Variants in BTNL3 observed in about 807,000 individuals in gnomAD.
The protein encoded by BTNL3 is butyrophilin like 3, also known as butyrophilin-like protein 3.
In BTNL3, 20 loss-of-function variants were observed where a neutral mutation model predicts 40.1. The observed-to-expected ratio is 0.50, with a 90% CI of 0.35 to 0.72. BTNL3 has a LOEUF of 0.72. Among genes scored for constraint, BTNL3 ranks in the 30% least tolerant of loss-of-function variants. BTNL3 has a pLI of 0.01. For missense variants in BTNL3, 449 were observed against 582.2 expected (o/e 0.77, Z 2.35); for synonymous variants, 179 against 222.1 (o/e 0.81, Z 1.73).
Position 181,003,925 on chromosome 5 carries a change from C to T in BTNL3, c.808+49C>T, listed in dbSNP as rs373642232. 4 of 1,613,832 alleles carry T rather than the reference C, an allele frequency of 2.5e-6. No individual in the cohort carries two copies. In the African/African-American group the frequency reaches 4.0e-5, roughly 16 times the overall value. ...CCACACATGGTTCTCCCGGGTCCCT[C>T]CCTGATCCACAGTTTGAGCCTCTGG... On this transcript the variant is annotated intron_variant, in intron 5 of 7. Coordinates refer to ENST00000342868, the MANE Select transcript of BTNL3 (RefSeq NM_197975.3).
chr5:180,996,487 T>C lies in BTNL3; in HGVS notation c.398-726T>C, dbSNP rs972797630. Among the ~76,000 whole-genome samples the C allele has an allele frequency of 3.7e-5, 5 of 136,934 alleles. 1 individual carries two copies. Among genetic ancestry groups the C allele is most frequent in the African/African-American group, 1.0e-4 (4 of 39,760 alleles). 89.8% of individuals were successfully genotyped at this position (136,934 alleles called of 152,430 possible). A position where few individuals can be genotyped will look rare whatever the true frequency, so the allele number is the denominator to read the frequency against. ...ACTGGTCTACAGTTCTTAAAGTGGCTGTGGGCAAGTCCACGTTGCTCAGGT... is the reference window on the plus strand; with the variant it reads ...ACTGGTCTACAGTTCTTAAAGTGGCCGTGGGCAAGTCCACGTTGCTCAGGT... On this transcript the variant is annotated intron_variant, in intron 2 of 7. Transcript: ENST00000342868.
chr5:181,000,735 A>G lies in BTNL3; in HGVS notation c.674-1937A>G, dbSNP rs549250677. Among the ~76,000 whole-genome samples the G allele has an allele frequency of 3.0e-5, 4 of 133,332 alleles. 1 individual carries two copies. The highest frequency in any genetic ancestry group is 4.3e-4 in the East Asian group (2 of 4,600). The allele number at this position is 133,332 out of a possible 152,430, so 87.5% of individuals were successfully genotyped here. A position where few individuals can be genotyped will look rare whatever the true frequency, so the allele number is the denominator to read the frequency against. ...GCAGGAGAATGGCGTGAACCCGGGA[A>G]GCGGAGCTTGCAGTGAGCCGAGATT... is the stretch of plus-strand genomic sequence containing the variant. On this transcript the variant is annotated intron_variant, in intron 3 of 7. Coordinates refer to ENST00000342868, the MANE Select transcript of BTNL3 (RefSeq NM_197975.3).
chr5:181,002,376 GTATATA>G (rs55873315), intron 3 of BTNL3, among the ~76,000 whole-genome samples: 4,186 of 81,398 alleles, frequency 0.051, 433 homozygotes, highest in African/African-American at 0.1. Flanking sequence ...ACGTGTGTGT[GTATATA>G]TATATATATA....
chr5:180,999,616 A>G lies in BTNL3; in HGVS notation c.673+2128A>G, dbSNP rs182761538. Reference sequence around the variant, plus strand: ...GGAGTTTGAGACCAGCCTGCCCAACATGGCGAAACCCCATCTCTACTAAAA... The same window carrying G: ...GGAGTTTGAGACCAGCCTGCCCAACGTGGCGAAACCCCATCTCTACTAAAA... On this transcript the variant is annotated intron_variant, in intron 3 of 7. Coordinates refer to ENST00000342868, the MANE Select transcript of BTNL3 (RefSeq NM_197975.3). 5.6e-4 allele frequency among the ~76,000 whole-genome samples: 76 copies of G among 136,480 alleles called. 5 individuals are homozygous for G. The highest frequency in any genetic ancestry group is 1.9e-3 in the African/African-American group (74 of 39,728). The allele number at this position is 136,480 out of a possible 152,430, so 89.5% of individuals were successfully genotyped here.
chr5:181,002,471 A>AATATATATATATATATATATATATAT (rs56895500), intron 3 of BTNL3, among the ~76,000 whole-genome samples: 36 of 73,878 alleles, frequency 4.9e-4, no homozygotes, highest in African/African-American at 8.8e-4. Context: ...CACACACGTG[A>AATATATATATATATATATATATATAT]ATATATATAT....
At position 181,000,835 on chromosome 5, in the gene BTNL3, A is replaced by AAAAAT. The variant is rs947455819; in HGVS notation, c.674-1816_674-1812dup. Reference sequence around the variant, plus strand: ...CTCAAAAAAAAATAAAATAAAATAAAAAAATAAAATAAAATAAAATAAAAT... The same window carrying AAAAAT: ...CTCAAAAAAAAATAAAATAAAATAAAAAAATAAAATAAAATAAAATAAAATAAAAT... On this transcript the variant is annotated intron_variant, in intron 3 of 7. Transcript: ENST00000342868. 1.8e-4 allele frequency among the ~76,000 whole-genome samples: 24 copies of AAAAAT among 135,438 alleles called. 5 individuals are homozygous for AAAAAT. Among genetic ancestry groups the AAAAAT allele is most frequent in the African/African-American group, 5.5e-4 (22 of 39,794 alleles). 88.9% of individuals were successfully genotyped at this position (135,438 alleles called of 152,430 possible). A position where few individuals can be genotyped will look rare whatever the true frequency, so the allele number is the denominator to read the frequency against.
At position 181,005,827 on chromosome 5, in the gene BTNL3, G is replaced by A; in HGVS notation, c.1356G>A (p.Glu452=). The change falls in exon 8 of 8, where the codon GAG becomes GAA. Residue 452 remains glutamate (E), a synonymous_variant. Coordinates refer to ENST00000342868, the MANE Select transcript of BTNL3 (RefSeq NM_197975.3). ...RPYIQHAMYD[E]EKGTPIFICP... Reference sequence around the variant, plus strand: ...ATATCCAGCATGCGATGTATGACGAGGAAAAGGGGACTCCCATATTCATAT... The same window carrying A: ...ATATCCAGCATGCGATGTATGACGAAGAAAAGGGGACTCCCATATTCATAT... 6.2e-7 allele frequency: 1 copy of A among 1,613,486 alleles called. No homozygotes were observed. Among genetic ancestry groups the A allele is most frequent in the Non-Finnish European group, 8.5e-7 (1 of 1,179,690 alleles).
intron 2 of BTNL3, among the ~76,000 whole-genome samples, chr5:180,996,838 G>A (rs1760040005): frequency 7.3e-6 from 1 of 136,748 alleles, no homozygotes; most frequent in African/African-American, 2.5e-5. Context: ...ATTTCACTAT[G>A]AAATGTATTT....
Position 180,993,287 on chromosome 5 carries a change from G to A in BTNL3, c.397+127G>A, listed in dbSNP as rs1759997403. Reference sequence around the variant, plus strand: ...TCTGACATGATGTAAAAAGGCTTCGGTGGGGATCACTGACCTGAGGTTTCT... The same window carrying A: ...TCTGACATGATGTAAAAAGGCTTCGATGGGGATCACTGACCTGAGGTTTCT... On this transcript the variant is annotated intron_variant, in intron 2 of 7. Transcript: ENST00000342868. 2.9e-5 allele frequency: 37 copies of A among 1,278,804 alleles called. 10 individuals carry two copies. Among genetic ancestry groups the A allele is most frequent in the Non-Finnish European group, 3.7e-5 (36 of 961,676 alleles). The allele number at this position is 1,278,804 out of a possible 1,614,324, so 79.2% of individuals were successfully genotyped here.
chr5:180,993,129 T>C lies in BTNL3; in HGVS notation c.366T>C (p.Asp122=). The change falls in exon 2 of 8, where the codon GAT becomes GAC. Residue 122 remains aspartate (D), a synonymous_variant. Transcript: ENST00000342868. ...YGCWFSSQIY[D]EEATWELRVA... ...GCTGGTTCAGTTCCCAGATTTACGA[T>C]GAGGAGGCCACCTGGGAGCTGCGGG... 6.9e-7 allele frequency: 1 copy of C among 1,445,558 alleles called. No homozygotes were observed. The highest frequency in any genetic ancestry group is 1.4e-5 in the African/African-American group (1 of 72,462). 89.5% of individuals were successfully genotyped at this position (1,445,558 alleles called of 1,614,324 possible).
Position 181,005,942 on chromosome 5 carries a change from A to T in BTNL3, c.*70A>T. On this transcript the variant is annotated 3_prime_UTR_variant, in exon 8 of 8. Transcript: ENST00000342868. The stretch of plus-strand genomic sequence containing the variant: ...ACACAGCCAAGGGAGAGTGCTCCCG[A>T]CAGGTGGCCCCAGCTTCCTCTCCGG... 6.8e-7 allele frequency: 1 copy of T among 1,463,710 alleles called. No homozygotes were observed. Among genetic ancestry groups the T allele is most frequent in the Non-Finnish European group, 9.1e-7 (1 of 1,100,064 alleles). 90.7% of individuals were successfully genotyped at this position (1,463,710 alleles called of 1,614,324 possible). A position where few individuals can be genotyped will look rare whatever the true frequency, so the allele number is the denominator to read the frequency against.
intron 1 of BTNL3, among the ~76,000 whole-genome samples, chr5:180,992,252 A>G (rs905439521): frequency 5.1e-5 from 7 of 137,304 alleles, no homozygotes; most frequent in Admixed American, 7.6e-5. Flanking sequence ...AAAAAGAAGC[A>G]CAAATAAATG....
At chr5:181,003,910 T>C in intron 5 of BTNL3, 34 bp downstream of exon 5, 1 of 1,613,942 alleles carries the variant, frequency 6.2e-7, no homozygotes, top group Non-Finnish European at 8.5e-7. Flanking sequence ...CCACACATGG[T>C]TCTCCCGGGT....
At chr5:180,992,430 G>A (rs1017259486) in intron 1 of BTNL3, among the ~76,000 whole-genome samples, 1 of 136,864 alleles carries the variant, frequency 7.3e-6, no homozygotes. Context: ...CAAAGGGGGT[G>A]GTGTGAGTGT....
chr5:181,004,868 C>T, intron 7 of BTNL3, 106 bp downstream of exon 7: 2 of 1,602,834 alleles, frequency 1.2e-6, no homozygotes, highest in Non-Finnish European at 1.7e-6. Flanking sequence ...ATGCCCGAAT[C>T]CACCCCAGGG....
intron 7 of BTNL3, 62 bp downstream of exon 7, chr5:181,004,824 G>A: frequency 6.2e-7 from 1 of 1,614,022 alleles, no homozygotes; most frequent in East Asian, 2.2e-5. Context: ...TGACAGATAT[G>A]GAGCCCATCC....
Position 180,992,821 on chromosome 5 carries a change from C to A in BTNL3, c.58C>A (p.Gln20Lys), listed in dbSNP as rs1759986239. ...TATGTTTCCTCCTATAGGACAGTGG[C>A]AAGTCACTGGACCGGGCAAGTTTGT... ...SFYELVSGQW[Q>K]VTGPGKFVQA... Residue 20 changes from glutamine (Q) to lysine (K), a missense_variant, in exon 2 of 8, where the codon CAA becomes AAA. Around this residue, in one of 2 missense-constraint regions of BTNL3, gnomAD observed 323 missense variants for 464.9 expected, o/e 0.69. Transcript: ENST00000342868. The A allele has an allele frequency of 6.8e-7, 1 of 1,462,984 alleles. No individual in the cohort carries two copies. Among genetic ancestry groups the A allele is most frequent in the Admixed American group, 1.9e-5 (1 of 53,308 alleles). The allele number at this position is 1,462,984 out of a possible 1,614,324, so 90.6% of individuals were successfully genotyped here.
intron 2 of BTNL3, among the ~76,000 whole-genome samples, chr5:180,996,931 A>G (rs542586545): frequency 1.5e-5 from 2 of 137,210 alleles, no homozygotes; most frequent in East Asian, 4.3e-4. Flanking sequence ...TTTCATACTT[A>G]GGAATATCCA....
chr5:181,002,368 G>A (rs868514272), intron 3 of BTNL3, among the ~76,000 whole-genome samples: 2 of 27,664 alleles, frequency 7.2e-5, no homozygotes, highest in African/African-American at 1.3e-4. Context: ...ACACACACAC[G>A]TGTGTGTGTA....
Sources: gnomAD v4.1 joint callset for allele counts (sites outside exome capture counted in the v4.1 genomes callset) on GRCh38, gnomAD v4.1.1 for gene constraint, gnomAD v4.1.1 regional missense constraint, MANE v1.5 for transcripts, NCBI Gene and HGNC (gene_info 2026-07-23, HGNC 2026-07-21) for gene names.